Variants in TSC22D3 observed in about 807,000 individuals in gnomAD.
TSC22D3 encodes the protein TSC22 domain family protein 3.
A neutral mutation model predicts 11.1 loss-of-function variants in TSC22D3; 4 were observed. The ratio of observed to expected loss-of-function variants is 0.36; its 90% confidence interval spans 0.18 to 0.83. The LOEUF (loss-of-function observed/expected upper bound fraction) is 0.83. TSC22D3 is among the 40% of genes least tolerant of loss of function. The pLI, the probability that TSC22D3 is intolerant of heterozygous loss-of-function variation, is 0.48. For missense variants in TSC22D3, 118 were observed against 159.4 expected (o/e 0.74, Z 1.40); for synonymous variants, 77 against 70.3 (o/e 1.10, Z -0.48).
At chrX:107,737,125 C>T (rs1189652475) in intron 1 of TSC22D3, among the ~76,000 whole-genome samples, 2 of 112,045 alleles carry the variant, frequency 1.8e-5, no homozygotes, top group Admixed American at 1.9e-4. Flanking sequence ...ACAGACAACA[C>T]AGGAATCCAG....
intron 1 of TSC22D3, among the ~76,000 whole-genome samples, chrX:107,770,294 G>A (rs1225707432): frequency 8.9e-6 from 1 of 111,743 alleles, no homozygotes; most frequent in African/African-American, 3.3e-5. Flanking sequence ...GCAGCAGGCA[G>A]CCACTCAAAT....
intron 1 of TSC22D3, among the ~76,000 whole-genome samples, chrX:107,766,631 C>T (rs1241706534): frequency 9.0e-6 from 1 of 111,153 alleles, no homozygotes; most frequent in Non-Finnish European, 1.9e-5. Context: ...CTCCAAAATG[C>T]CTCAAGCCAA....
chrX:107,729,076 C>T (rs1478023097), intron 1 of TSC22D3, among the ~76,000 whole-genome samples: 1 of 112,403 alleles, frequency 8.9e-6, no homozygotes. Context: ...TTGTTTTCTC[C>T]TTCTGTTCTT....
At chrX:107,765,217 G>A (rs1009913020) in intron 1 of TSC22D3, among the ~76,000 whole-genome samples, 9 of 111,866 alleles carry the variant, frequency 8.0e-5, no homozygotes, top group African/African-American at 2.9e-4. Flanking sequence ...GGAAGCGGCC[G>A]CCATAAAGAG....
intron 1 of TSC22D3, among the ~76,000 whole-genome samples, chrX:107,743,246 G>A (rs1014677439): frequency 3.6e-5 from 4 of 111,939 alleles, no homozygotes; most frequent in African/African-American, 1.3e-4. Flanking sequence ...GGCCTCAAAC[G>A]TCCCTTGTTC....
At chrX:107,736,440 G>A (rs1928137995) in intron 1 of TSC22D3, among the ~76,000 whole-genome samples, 1 of 111,441 alleles carries the variant, frequency 9.0e-6, no homozygotes, top group Non-Finnish European at 1.9e-5. Flanking sequence ...TTACAATCTT[G>A]TCCCTTTCTC....
chrX:107,765,216 C>T (rs987230244), intron 1 of TSC22D3, among the ~76,000 whole-genome samples: 1 of 111,868 alleles, frequency 8.9e-6, no homozygotes, highest in Non-Finnish European at 1.9e-5. Context: ...TGGAAGCGGC[C>T]GCCATAAAGA....
chrX:107,742,914 C>A (rs1312334856), intron 1 of TSC22D3, among the ~76,000 whole-genome samples: 11 of 112,243 alleles, frequency 9.8e-5, no homozygotes. Context: ...GAGCAGCGCC[C>A]GTTCCCACAG....
At chrX:107,749,233 C>T (rs1024785254) in intron 1 of TSC22D3, among the ~76,000 whole-genome samples, 12 of 106,660 alleles carry the variant, frequency 1.1e-4, no homozygotes, top group African/African-American at 3.8e-4. Flanking sequence ...ACAAATTAGC[C>T]GGGCGTAGTG....
Position 107,740,179 on chromosome X carries a change from T to C in TSC22D3, c.321-24229A>G, listed in dbSNP as rs956560418. Reference sequence around the variant, plus strand: ...GAAAGTGGCTGACTAGGGATTCAAATTGAGGTCTGGCTGGCTCCAAAGCCT... The same window carrying C: ...GAAAGTGGCTGACTAGGGATTCAAACTGAGGTCTGGCTGGCTCCAAAGCCT... On this transcript the variant is annotated intron_variant, in intron 1 of 2. Coordinates refer to ENST00000372383, the MANE Select transcript of TSC22D3 (RefSeq NM_198057.3). Among the ~76,000 whole-genome samples, 3 of 111,835 alleles carry C rather than the reference T, an allele frequency of 2.7e-5. No homozygotes were observed. In the Admixed American group the frequency reaches 2.8e-4, roughly 11 times the overall value.
At chrX:107,767,629 G>A (rs1929728459) in intron 1 of TSC22D3, among the ~76,000 whole-genome samples, 1 of 112,169 alleles carries the variant, frequency 8.9e-6, no homozygotes, top group African/African-American at 3.2e-5. Flanking sequence ...CTCTAGTTAA[G>A]CTGGATTTCA....
intron 2 of TSC22D3, 58 bp downstream of exon 2, chrX:107,715,839 CAG>C (rs1569446501): frequency 1.7e-6 from 2 of 1,183,983 alleles, no homozygotes; most frequent in East Asian, 3.0e-5. Flanking sequence ...CAATCCTGCC[CAG>C]AGTTACATAA....
intron 1 of TSC22D3, among the ~76,000 whole-genome samples, chrX:107,766,579 T>C (rs1244518601): frequency 9.2e-6 from 1 of 108,546 alleles, no homozygotes; most frequent in African/African-American, 3.4e-5. Context: ...GCAGTTTCTT[T>C]AGCAGTGCAT....
chrX:107,716,545 T>TGGCCCCCCC, intron 1 of TSC22D3: 1 of 796,149 alleles, frequency 1.3e-6, no homozygotes, highest in Non-Finnish European at 1.5e-6. Context: ...CCTTCCTGCG[T>TGGCCCCCCC]CCCCTCCCCC....
rs192849677 is a variant in TSC22D3 at position 107,769,472 on chromosome X, G to C, written c.320+5628C>G. Among the ~76,000 whole-genome samples, 30 of 111,201 alleles carry C rather than the reference G, an allele frequency of 2.7e-4. No individual in the cohort carries two copies. The East Asian group carries it at 8.4e-3, about 31-fold the overall frequency. On this transcript the variant is annotated intron_variant, in intron 1 of 2. Transcript: ENST00000372383. ...GAAAGTAGAATAGAGGTTACCAGGG[G>C]GTAGTGGGAGGGGAAAATAGGGAAA...
intron 1 of TSC22D3, chrX:107,716,442 C>T: frequency 2.0e-6 from 2 of 985,519 alleles, no homozygotes; most frequent in East Asian, 4.7e-5. Flanking sequence ...CCCTCTGCCT[C>T]CGGCTGCCTC....
chrX:107,767,611 C>T (rs1457991182), intron 1 of TSC22D3, among the ~76,000 whole-genome samples: 1 of 112,273 alleles, frequency 8.9e-6, no homozygotes, highest in Non-Finnish European at 1.9e-5. Context: ...ATCTTAGCCC[C>T]ACTCCAACTC....
intron 1 of TSC22D3, among the ~76,000 whole-genome samples, chrX:107,742,316 A>T (rs1187344891): frequency 8.0e-5 from 4 of 50,003 alleles, no homozygotes; most frequent in African/African-American, 3.9e-4. Flanking sequence ...AGAGAGAGAG[A>T]GAGTGTGTGT....
At chrX:107,751,190 C>T (rs140191341) in intron 1 of TSC22D3, among the ~76,000 whole-genome samples, 31 of 112,185 alleles carry the variant, frequency 2.8e-4, no homozygotes, top group Non-Finnish European at 3.4e-4. Context: ...TTTGGAATTC[C>T]GGTGTGCTTG....
Sources: allele counts gnomAD v4.1 joint callset (sites outside exome capture counted in the v4.1 genomes callset), GRCh38; gene constraint gnomAD v4.1.1; transcripts MANE v1.5; gene names NCBI Gene and HGNC (gene_info 2026-07-23, HGNC 2026-07-21).